PLB1: variants seen among roughly 807,000 people sequenced by gnomAD.
PLB1 encodes the protein phospholipase B1, also known as phospholipase B1, membrane-associated.
A neutral mutation model predicts 227.4 loss-of-function variants in PLB1; 242 were observed. That is an observed-to-expected ratio of 1.06 (90% confidence interval 0.96 to 1.18). The LOEUF (loss-of-function observed/expected upper bound fraction) is 1.18. Among genes scored for constraint, PLB1 ranks in the 50% most tolerant of loss-of-function variants. The pLI is 0.00. For synonymous variants in PLB1, 757 were observed against 682.2 expected (o/e 1.11, Z -1.71); for missense variants, 1,858 against 1,816.3 (o/e 1.02, Z -0.42).
chr2:28,528,571 G>A (rs1670585091), intron 6 of PLB1, among the ~76,000 whole-genome samples: 1 of 152,214 alleles, frequency 6.6e-6, no homozygotes, highest in African/African-American at 2.4e-5. Flanking sequence ...ACAGTGAAAA[G>A]CCTTGGTGTC....
chr2:28,567,689 G>T (rs1054464172), intron 20 of PLB1, among the ~76,000 whole-genome samples: 1 of 152,016 alleles, frequency 6.6e-6, no homozygotes, highest in African/African-American at 2.4e-5. Flanking sequence ...GGCCAGGATG[G>T]TCTCGATTTC....
At chr2:28,589,387 C>G in intron 26 of PLB1, 63 bp from the exon 27 acceptor site, 2 of 1,221,030 alleles carry the variant, frequency 1.6e-6, no homozygotes, top group Non-Finnish European at 2.4e-6. Flanking sequence ...AGAAAGAGAT[C>G]AATCAAGGAC....
rs565734349 is a variant in PLB1, at chr2:28,537,039, G to A, written c.556-1280G>A. Among the ~76,000 whole-genome samples, 62 of 152,330 alleles carry A rather than the reference G, an allele frequency of 4.1e-4. No homozygotes were observed. The South Asian group carries it at 0.012, about 30-fold the overall frequency. On this transcript the variant is annotated intron_variant, in intron 9 of 57. Coordinates refer to ENST00000327757, the MANE Select transcript of PLB1 (RefSeq NM_153021.5). ...CTGGGCTCTTCAGGAAAGAGAGGGTGATGTTTGATGTCACGGTCAGGGAGC... is the reference window on the plus strand; with the variant it reads ...CTGGGCTCTTCAGGAAAGAGAGGGTAATGTTTGATGTCACGGTCAGGGAGC...
At chr2:28,568,401 C>T (rs1677424354) in intron 20 of PLB1, among the ~76,000 whole-genome samples, 1 of 152,224 alleles carries the variant, frequency 6.6e-6, no homozygotes, top group African/African-American at 2.4e-5. Flanking sequence ...AGGTGGATGA[C>T]TCCCCTGACA....
At chr2:28,538,417 T>G in intron 10 of PLB1, 36 bp downstream of exon 10, 1 of 1,586,422 alleles carries the variant, frequency 6.3e-7, no homozygotes, top group Non-Finnish European at 8.6e-7. Context: ...CCAAGGGCAG[T>G]GGGGCCCATT....
At chr2:28,523,237 A>G (rs1669763175) in intron 4 of PLB1, among the ~76,000 whole-genome samples, 2 of 151,894 alleles carry the variant, frequency 1.3e-5, no homozygotes, top group South Asian at 4.1e-4. Flanking sequence ...GCACACACAT[A>G]TATACATTCT....
intron 56 of PLB1, chr2:28,633,294 G>A (rs2148343869): frequency 2.1e-6 from 1 of 468,508 alleles, no homozygotes; most frequent in East Asian, 3.8e-5. Flanking sequence ...CCCAGGTACT[G>A]CGAGGGGATC....
At chr2:28,617,416 C>T (rs112794304) in intron 44 of PLB1, among the ~76,000 whole-genome samples, 2 of 152,184 alleles carry the variant, frequency 1.3e-5, no homozygotes, top group Non-Finnish European at 2.9e-5. Flanking sequence ...TGGTTTTCTT[C>T]CCTGCTTTGG....
At chr2:28,638,498 A>G (rs1325272525) in intron 56 of PLB1, among the ~76,000 whole-genome samples, 8 of 152,130 alleles carry the variant, frequency 5.3e-5, no homozygotes, top group Admixed American at 5.2e-4. Flanking sequence ...ACTGGAAGAA[A>G]GCAAGGGTGG....
Position 28,643,279 on chromosome 2 carries a change from G to T in PLB1, c.*218G>T. 1 of 454,022 alleles carries T rather than the reference G, an allele frequency of 2.2e-6. No homozygotes were observed. The highest frequency in any genetic ancestry group is 3.9e-6 in the Non-Finnish European group (1 of 257,530). 28.1% of individuals were successfully genotyped at this position (454,022 alleles called of 1,614,324 possible). On this transcript the variant is annotated 3_prime_UTR_variant, in exon 58 of 58. Transcript: ENST00000327757. ...CCAAAGCTATTTTATTCCTGGGTTT[G>T]CCTGCGTGAAGCACTCACCTTCCAT...
intron 20 of PLB1, among the ~76,000 whole-genome samples, chr2:28,567,901 G>T (rs1234297271): frequency 6.6e-6 from 1 of 152,104 alleles, no homozygotes; most frequent in African/African-American, 2.4e-5. Context: ...GGAATCTTCT[G>T]GCTGATAATT....
intron 56 of PLB1, among the ~76,000 whole-genome samples, chr2:28,636,292 G>A (rs545550854): frequency 4.8e-4 from 73 of 152,252 alleles, no homozygotes; most frequent in Non-Finnish European, 9.0e-4. Context: ...TTTAACTCCT[G>A]ACCTCAGGAG....
rs532321929 is a variant in PLB1, at chr2:28,572,577, G to A, written c.1325-620G>A. Among the ~76,000 whole-genome samples, 9 of 152,320 alleles carry A rather than the reference G, an allele frequency of 5.9e-5. No homozygotes were observed. In the South Asian group the frequency reaches 1.2e-3, roughly 21 times the overall value. Reference sequence around the variant, plus strand: ...TGGAATATCATTCAGCAATAAAAACGAATGCAGTACAGTTGCATGCTACAA... The same window carrying A: ...TGGAATATCATTCAGCAATAAAAACAAATGCAGTACAGTTGCATGCTACAA... On this transcript the variant is annotated intron_variant, in intron 20 of 57. Coordinates refer to ENST00000327757, the MANE Select transcript of PLB1 (RefSeq NM_153021.5).
At chr2:28,603,903 T>TC in intron 39 of PLB1, 63 bp from the exon 40 acceptor site, 1 of 1,503,948 alleles carries the variant, frequency 6.6e-7, no homozygotes, top group South Asian at 1.1e-5. Context: ...ACCTGGGCAA[T>TC]CAGAACCAGC....
intron 28 of PLB1, 27 bp from the exon 29 acceptor site, chr2:28,589,978 T>C (rs1391232792): frequency 6.2e-7 from 1 of 1,602,186 alleles, no homozygotes; most frequent in African/African-American, 1.3e-5. Flanking sequence ...TCTTCCTCAC[T>C]CCCCATCTCC....
At chr2:28,613,988 A>G in intron 43 of PLB1, 43 bp from the exon 44 acceptor site, 1 of 1,519,918 alleles carries the variant, frequency 6.6e-7, no homozygotes, top group Non-Finnish European at 9.1e-7. Flanking sequence ...AGCAAACTTC[A>G]GTGCTGTCAG....
In PLB1 at chr2:28,529,398, A is replaced by T. The variant is rs752263237; in HGVS notation, c.407A>T (p.Asp136Val). ...CHTGKRVIPH[D>V]GAEDLWIQAQ... ...ACTGGAAAGAGAGTCATACCCCACG[A>T]TGGTGCTGAGTAAGTTCCCTTTCTG... Residue 136 changes from aspartate to valine, a missense_variant, in exon 7 of 58, where the codon GAT becomes GTT. Asp to Val is a radical substitution (Grantham distance 152). Transcript: ENST00000327757. The T allele has an allele frequency of 1.1e-5, 17 of 1,600,756 alleles. No individual in the cohort carries two copies. Among genetic ancestry groups the T allele is most frequent in the Non-Finnish European group, 1.4e-5 (16 of 1,167,990 alleles).
At chr2:28,594,117 T>C in intron 33 of PLB1, 1 of 551,604 alleles carries the variant, frequency 1.8e-6, no homozygotes. Context: ...CTGTTTACTG[T>C]CTTTATGTGT....
At chr2:28,589,197 T>C (rs1681445525) in intron 26 of PLB1, among the ~76,000 whole-genome samples, 1 of 152,066 alleles carries the variant, frequency 6.6e-6, no homozygotes, top group Non-Finnish European at 1.5e-5. Flanking sequence ...GATAGACTTT[T>C]CTTACCTTTC....
Sources: gnomAD v4.1 joint callset for allele counts (sites outside exome capture counted in the v4.1 genomes callset) on GRCh38, gnomAD v4.1.1 for gene constraint, MANE v1.5 for transcripts, NCBI Gene and HGNC (gene_info 2026-07-23, HGNC 2026-07-21) for gene names.